Variants in PDZD8 observed in about 807,000 individuals in gnomAD.
PDZD8 encodes PDZ domain containing 8.
A neutral mutation model predicts 85.8 loss-of-function variants in PDZD8; 14 were observed. The observed-to-expected ratio is 0.16, with a 90% CI of 0.11 to 0.26. PDZD8 has a LOEUF of 0.26. Among genes scored for constraint, PDZD8 ranks in the 10% least tolerant of loss-of-function variants. PDZD8 has a pLI of 1.00. For missense variants in PDZD8, 1,197 were observed against 1,424.3 expected (o/e 0.84, Z 2.57); for synonymous variants, 592 against 568.6 (o/e 1.04, Z -0.59).
rs942595110 is a variant in PDZD8, at chr10:117,372,497, C to T, written c.872+1859G>A. On this transcript the variant is annotated intron_variant, in intron 1 of 4. Coordinates refer to ENST00000334464, the MANE Select transcript of PDZD8 (RefSeq NM_173791.5). ...TAATAATCTAGTCAAATTGTATTAA[C>T]TGAAAGCTATCAGAAAACATCATAA... Among the ~76,000 whole-genome samples, 8 of 152,112 alleles carry T rather than the reference C, an allele frequency of 5.3e-5. No individual in the cohort carries two copies. The East Asian group carries it at 1.5e-3, about 29-fold the overall frequency.
In PDZD8 at chr10:117,374,475, G is replaced by A. The variant is rs754168653; in HGVS notation, c.753C>T (p.Ile251=). 3 of 1,614,070 alleles carry A rather than the reference G, an allele frequency of 1.9e-6. No homozygotes were observed. The highest frequency in any genetic ancestry group is 1.7e-5 in the Admixed American group (1 of 60,006). ...CAAACTGGGAGCGCACCTCGAAGTC[G>A]ATCAGCGGGTCTTCCACGAAGGAGA... The part of the protein sequence containing the change: ...WFFSFVEDPL[I]DFEVRSQFEG... The change falls in exon 1 of 5, where the codon ATC becomes ATT. Residue 251 remains isoleucine (I), a synonymous_variant. Coordinates refer to ENST00000334464, the MANE Select transcript of PDZD8 (RefSeq NM_173791.5). The surrounding 1 kb of genome is among the most constrained non-coding windows in gnomAD (Gnocchi z 7.8).
intron 3 of PDZD8, among the ~76,000 whole-genome samples, chr10:117,305,447 CACACACACATATATACACACACAT>C (rs1178728318): frequency 6.9e-6 from 1 of 145,224 alleles, no homozygotes; most frequent in Non-Finnish European, 1.5e-5. Context: ...AATACACACA[CACACACACATATATACACACACAT>C]ACACACACAC....
Position 117,277,310 on chromosome 10 carries a change from CAG to C in PDZD8, c.*5956_*5957del, listed in dbSNP as rs1405760833. On this transcript the variant is annotated 3_prime_UTR_variant, in exon 5 of 5. Coordinates refer to ENST00000334464, the MANE Select transcript of PDZD8 (RefSeq NM_173791.5). The stretch of plus-strand genomic sequence containing the variant: ...CATCAAAGTGTTTAATTGTATAAAA[CAG>C]TGTTTCCAGTGACACAACTCATCCA... 8.4e-7 allele frequency: 1 copy of C among 1,191,556 alleles called. No homozygotes were observed. Among genetic ancestry groups the C allele is most frequent in the Non-Finnish European group, 1.2e-6 (1 of 813,430 alleles). The allele number at this position is 1,191,556 out of a possible 1,614,324, so 73.8% of individuals were successfully genotyped here.
rs148838127 is a variant in PDZD8, at chr10:117,301,634, C to A, written c.1099-11286G>T. On this transcript the variant is annotated intron_variant, in intron 3 of 4. Transcript: ENST00000334464. Reference sequence around the variant, plus strand: ...TCAATTTGTTTATGGTTAAAGGATACAATTTACTGCCAAGTGAGGGACTAC... The same window carrying A: ...TCAATTTGTTTATGGTTAAAGGATAAAATTTACTGCCAAGTGAGGGACTAC... Among the ~76,000 whole-genome samples, 3 of 152,110 alleles carry A rather than the reference C, an allele frequency of 2.0e-5. No individual in the cohort carries two copies. In the East Asian group the frequency reaches 5.8e-4, roughly 29 times the overall value.
chr10:117,283,552 C>A lies in PDZD8; in HGVS notation c.3181G>T (p.Glu1061Ter). 1 of 1,614,120 alleles carries A rather than the reference C, an allele frequency of 6.2e-7. No homozygotes were observed. The highest frequency in any genetic ancestry group is 8.5e-7 in the Non-Finnish European group (1 of 1,180,010). ...TTCCTTGTATCAGTTGTCTCTTTTT[C>A]TTCTCTAACAAGGGAATTATTGTGT... ...LEHNNSLVRE[E>*]KETTDTRKKS... Residue 1061 changes from glutamate (E) to a stop codon, truncating the protein, a stop_gained, in exon 5 of 5, where the codon GAA (glutamate) becomes TAA (stop). Coordinates refer to ENST00000334464, the MANE Select transcript of PDZD8 (RefSeq NM_173791.5). LOFTEE classifies it high-confidence loss of function.
At position 117,277,848 on chromosome 10, in the gene PDZD8, T is replaced by G. The variant is rs1844521680; in HGVS notation, c.*5420A>C. ...TTGTGTCAGTTATCTTTTGAATCCA[T>G]AAATCTTAGCTGGCATTAGTTTTCT... On this transcript the variant is annotated 3_prime_UTR_variant, in exon 5 of 5. Transcript: ENST00000334464. 1 of 152,242 alleles carries G rather than the reference T, an allele frequency of 6.6e-6. No individual in the cohort carries two copies. Among genetic ancestry groups the G allele is most frequent in the South Asian group, 2.1e-4 (1 of 4,834 alleles). 9.4% of individuals were successfully genotyped at this position (152,242 alleles called of 1,614,324 possible).
At chr10:117,349,157 C>T (rs1459419878) in intron 1 of PDZD8, among the ~76,000 whole-genome samples, 2 of 152,110 alleles carry the variant, frequency 1.3e-5, no homozygotes, top group East Asian at 1.9e-4. Context: ...AAGAGGGCAA[C>T]GATGTCCTAA....
At chr10:117,360,952 G>T (rs941736788) in intron 1 of PDZD8, among the ~76,000 whole-genome samples, 7 of 151,968 alleles carry the variant, frequency 4.6e-5, no homozygotes, top group Non-Finnish European at 8.8e-5. Context: ...TGTAGATTAT[G>T]TCTATTAACA....
intron 1 of PDZD8, among the ~76,000 whole-genome samples, chr10:117,346,344 AAATTCT>A (rs1274908920): frequency 2.6e-5 from 4 of 152,070 alleles, no homozygotes; most frequent in African/African-American, 9.7e-5. Context: ...ACCAAAAATA[AAATTCT>A]AAGATCCCCC....
intron 2 of PDZD8, among the ~76,000 whole-genome samples, chr10:117,324,208 C>CAAAAAAA (rs60898350): frequency 6.8e-5 from 2 of 29,232 alleles, no homozygotes; most frequent in Middle Eastern, 0.023. Flanking sequence ...GACTCCATCT[C>CAAAAAAA]AAAAAAAAAA....
intron 3 of PDZD8, among the ~76,000 whole-genome samples, chr10:117,304,016 G>A (rs1843891186): frequency 6.6e-6 from 1 of 152,298 alleles, no homozygotes; most frequent in South Asian, 2.1e-4. Context: ...GGAGCTGTGA[G>A]AAGAGGGCCA....
chr10:117,332,490 T>A (rs1401445590), intron 2 of PDZD8, among the ~76,000 whole-genome samples: 1 of 145,978 alleles, frequency 6.9e-6, no homozygotes, highest in Non-Finnish European at 1.5e-5. Context: ...ATAATTTTTA[T>A]TCTGTAAGGG....
intron 3 of PDZD8, among the ~76,000 whole-genome samples, chr10:117,297,982 CTAATT>C (rs1843783735): frequency 1.3e-5 from 2 of 151,924 alleles, no homozygotes; most frequent in African/African-American, 2.4e-5. Context: ...TCCAATTTAC[CTAATT>C]TAATAAAAGA....
intron 3 of PDZD8, among the ~76,000 whole-genome samples, chr10:117,293,869 G>A (rs1843708322): frequency 6.6e-6 from 1 of 152,088 alleles, no homozygotes; most frequent in African/African-American, 2.4e-5. Flanking sequence ...CATGTTTTCT[G>A]ACCATAGTGG....
At chr10:117,320,775 C>T (rs1317807895) in intron 2 of PDZD8, among the ~76,000 whole-genome samples, 2 of 151,970 alleles carry the variant, frequency 1.3e-5, no homozygotes, top group African/African-American at 4.8e-5. Flanking sequence ...TTGATAAGGG[C>T]CTAGTATCCA....
intron 1 of PDZD8, among the ~76,000 whole-genome samples, chr10:117,353,527 T>A (rs2133866920): frequency 6.6e-6 from 1 of 152,330 alleles, no homozygotes; most frequent in South Asian, 2.1e-4. Flanking sequence ...TCTGAGAATC[T>A]ACACCTTGAT....
At position 117,343,513 on chromosome 10, in the gene PDZD8, GA is replaced by G. The variant is rs200733463; in HGVS notation, c.873-2412del. On this transcript the variant is annotated intron_variant, in intron 1 of 4. Coordinates refer to ENST00000334464, the MANE Select transcript of PDZD8 (RefSeq NM_173791.5). ...TTAACACACAGTCCTTATGACTCCT[GA>G]AAAACATATAACTGTTAGTTTGTAA... Among the ~76,000 whole-genome samples the G allele has an allele frequency of 7.9e-5, 12 of 151,734 alleles. No individual in the cohort carries two copies. The East Asian group carries it at 2.4e-3, about 30-fold the overall frequency.
At chr10:117,322,742 C>T (rs1360450200) in intron 2 of PDZD8, among the ~76,000 whole-genome samples, 7 of 152,126 alleles carry the variant, frequency 4.6e-5, no homozygotes, top group South Asian at 2.1e-4. Context: ...CTGGTGGAAA[C>T]GGGTGAGGCA....
chr10:117,375,304 T>A lies in PDZD8; in HGVS notation c.-77A>T. 2 of 1,330,386 alleles carry A rather than the reference T, an allele frequency of 1.5e-6. No homozygotes were observed. The highest frequency in any genetic ancestry group is 9.9e-7 in the Non-Finnish European group (1 of 1,013,960). 82.4% of individuals were successfully genotyped at this position (1,330,386 alleles called of 1,614,324 possible). A position where few individuals can be genotyped will look rare whatever the true frequency, so the allele number is the denominator to read the frequency against. On this transcript the variant is annotated 5_prime_UTR_variant, in exon 1 of 5. Coordinates refer to ENST00000334464, the MANE Select transcript of PDZD8 (RefSeq NM_173791.5). ...TCTTCACGCCGCCGCCCCCGCTGCC[T>A]CCATTTTGAGGACATCGGGCGGCTG... is the stretch of plus-strand genomic sequence containing the variant.
Sources: gnomAD v4.1 joint callset for allele counts (sites outside exome capture counted in the v4.1 genomes callset) on GRCh38, gnomAD v4.1.1 for gene constraint, Gnocchi (gnomAD v3.1) non-coding constraint, MANE v1.5 for transcripts, NCBI Gene and HGNC (gene_info 2026-07-23, HGNC 2026-07-21) for gene names.